The following MTFMT variants were observed in gnomAD, a reference collection of about 807,000 sequenced individuals.
The protein encoded by MTFMT is mitochondrial methionyl-tRNA formyltransferase, also known as methionyl-tRNA formyltransferase, mitochondrial.
In MTFMT, 47 loss-of-function variants were observed where a neutral mutation model predicts 51.8. The observed-to-expected ratio is 0.91, with a 90% CI of 0.72 to 1.16. MTFMT has a LOEUF of 1.16. Ranked by LOEUF, MTFMT falls within the 50% of genes most tolerant of loss-of-function variation. MTFMT has a pLI of 0.00. For missense variants in MTFMT, 512 were observed against 482.3 expected, an observed-to-expected ratio of 1.06 and a Z score of -0.58; for synonymous variants, 196 against 176.7, an observed-to-expected ratio of 1.11 and a Z score of -0.87.
chr15:65,020,198 GTA>G lies in MTFMT; in HGVS notation c.718_719del (p.Tyr240ArgfsTer3). 1 of 1,611,602 alleles carries G rather than the reference GTA, an allele frequency of 6.2e-7. No individual in the cohort carries two copies. Among genetic ancestry groups the G allele is most frequent in the South Asian group, 1.1e-5 (1 of 90,746 alleles). The stretch of plus-strand genomic sequence containing the variant: ...AGAGTCTCTGCAGCCTTCACTCACC[GTA>G]AGTCGCCCCCTCCATTGGCTGCTGC... ...GRQQPMEGAT[Y>X]APKISAGTSC... On this transcript the variant is annotated frameshift_variant and splice_region_variant, in exon 5 of 9. Coordinates refer to ENST00000220058, the MANE Select transcript of MTFMT (RefSeq NM_139242.4). LOFTEE classifies it high-confidence loss of function.
chr15:65,028,836 C>A (rs1595894389), intron 1 of MTFMT, among the ~76,000 whole-genome samples: 1 of 152,172 alleles, frequency 6.6e-6, no homozygotes, highest in South Asian at 2.1e-4. Flanking sequence ...TAAATGTATA[C>A]CTAACAGTTC....
intron 6 of MTFMT, among the ~76,000 whole-genome samples, chr15:65,013,928 G>A (rs2086292352): frequency 6.6e-6 from 1 of 150,544 alleles, no homozygotes; most frequent in Non-Finnish European, 1.5e-5. Flanking sequence ...AGGCGACAGG[G>A]CGAGACACCA....
At chr15:65,028,947 G>A (rs1273338286) in intron 1 of MTFMT, among the ~76,000 whole-genome samples, 2 of 152,178 alleles carry the variant, frequency 1.3e-5, no homozygotes, top group Admixed American at 6.5e-5. Flanking sequence ...CGGGTGTGCC[G>A]AAGGATGGGG....
At position 65,003,035 on chromosome 15, in the gene MTFMT, A is replaced by G; in HGVS notation, c.*27T>C. On this transcript the variant is annotated 3_prime_UTR_variant, in exon 9 of 9. Transcript: ENST00000220058. ...GTTTTTAATAAATTACAAATATGTA[A>G]TAGGTTTTTATCCATCTTCTTCCTA... 7.3e-7 allele frequency: 1 copy of G among 1,361,700 alleles called. No homozygotes were observed. The highest frequency in any genetic ancestry group is 9.8e-7 in the Non-Finnish European group (1 of 1,018,590). The allele number at this position is 1,361,700 out of a possible 1,614,324, so 84.4% of individuals were successfully genotyped here.
Position 65,029,388 on chromosome 15 carries a change from A to T in MTFMT, c.209+17T>A. On this transcript the variant is annotated intron_variant, in intron 1 of 8. Coordinates refer to ENST00000220058, the MANE Select transcript of MTFMT (RefSeq NM_139242.4). ...AGGCCTTCAGCGGCCGGGTCCCCGG[A>T]TCCCTGGCCCGGGTACCTGGCGGCG... The T allele has an allele frequency of 1.4e-6, 2 of 1,460,530 alleles. No individual in the cohort carries two copies. Among genetic ancestry groups the T allele is most frequent in the Non-Finnish European group, 1.8e-6 (2 of 1,106,006 alleles). The allele number at this position is 1,460,530 out of a possible 1,614,324, so 90.5% of individuals were successfully genotyped here.
intron 3 of MTFMT, 118 bp downstream of exon 3, chr15:65,023,554 A>C (rs768073964): frequency 1.5e-4 from 136 of 885,552 alleles, no homozygotes; most frequent in African/African-American, 6.0e-4. Context: ...AAAGCAGAAG[A>C]AGCACTCTGG....
intron 6 of MTFMT, among the ~76,000 whole-genome samples, chr15:65,014,546 G>A (rs139915280): frequency 0.024 from 3,690 of 150,712 alleles, 161 homozygotes; most frequent in African/African-American, 0.087. Context: ...GGCTGGTCTC[G>A]AACTCCTGAC....
intron 2 of MTFMT, chr15:65,026,299 A>G (rs944738456): frequency 3.1e-5 from 6 of 192,580 alleles, no homozygotes; most frequent in African/African-American, 7.0e-5. Flanking sequence ...CTGCTGGCTT[A>G]CCAATGGCAG....
intron 3 of MTFMT, among the ~76,000 whole-genome samples, chr15:65,022,835 T>C (rs912927858): frequency 6.6e-6 from 1 of 151,832 alleles, no homozygotes; most frequent in African/African-American, 2.4e-5. Flanking sequence ...GCCTCCTGAG[T>C]AGCTGGGACT....
chr15:65,029,163 G>T, intron 1 of MTFMT: 1 of 647,916 alleles, frequency 1.5e-6, no homozygotes, highest in Non-Finnish European at 1.9e-6. Flanking sequence ...GTGGCAGGGC[G>T]CCTGGAGAAC....
At chr15:65,011,052 T>C (rs1262718210) in intron 6 of MTFMT, among the ~76,000 whole-genome samples, 1 of 152,200 alleles carries the variant, frequency 6.6e-6, no homozygotes, top group Admixed American at 6.5e-5. Context: ...GCCAGGGCAG[T>C]GGCTCATGCC....
Position 65,029,518 on chromosome 15 carries a change from G to T in MTFMT, c.96C>A (p.Leu32=), listed in dbSNP as rs543428788. 188 of 1,530,018 alleles carry T rather than the reference G, an allele frequency of 1.2e-4. No homozygotes were observed. In the African/African-American group the frequency reaches 2.2e-3, roughly 18 times the overall value. The allele number at this position is 1,530,018 out of a possible 1,614,324, so 94.8% of individuals were successfully genotyped here. A position where few individuals can be genotyped will look rare whatever the true frequency, so the allele number is the denominator to read the frequency against. ...TGGAGTCCCGGCAGTCCTCCCAGCC[G>T]AGTCGGGCCAGTGCTCGCCACTGGG... ...PSPQWRALAR[L]GWEDCRDSRV... Residue 32 remains leucine (L), a synonymous_variant, in exon 1 of 9, where the codon CTC becomes CTA. Transcript: ENST00000220058.
chr15:65,029,572 A>C lies in MTFMT; in HGVS notation c.42T>G (p.Ala14=), dbSNP rs1052328753. Residue 14 remains alanine (A), a synonymous_variant, in exon 1 of 9, where the codon GCT becomes GCG. Transcript: ENST00000220058. The stretch of plus-strand genomic sequence containing the variant: ...TCGGCCTCCCACGCCTGGCGCCATG[A>C]GCCAGCGGAGGACCCCAACAGCGCC... ...LVRRCWGPPL[A]HGARRGRPSP... The C allele has an allele frequency of 1.3e-6, 2 of 1,498,666 alleles. No individual in the cohort carries two copies. The highest frequency in any genetic ancestry group is 2.5e-5 in the South Asian group (2 of 80,036). The allele number at this position is 1,498,666 out of a possible 1,614,324, so 92.8% of individuals were successfully genotyped here.
chr15:65,018,898 A>C (rs2086346835), intron 5 of MTFMT, among the ~76,000 whole-genome samples: 1 of 152,252 alleles, frequency 6.6e-6, no homozygotes, highest in Admixed American at 6.5e-5. Context: ...AGAAAGAATT[A>C]AGCCCCTGTC....
At chr15:65,011,941 G>T (rs1270035639) in intron 6 of MTFMT, among the ~76,000 whole-genome samples, 2 of 151,990 alleles carry the variant, frequency 1.3e-5, no homozygotes, top group Non-Finnish European at 2.9e-5. Context: ...TCAATGTCAT[G>T]AATATTTACA....
chr15:65,021,381 A>T (rs1484279327), intron 4 of MTFMT, 133 bp downstream of exon 4: 4 of 652,006 alleles, frequency 6.1e-6, no homozygotes, highest in Non-Finnish European at 1.1e-5. Flanking sequence ...GCTAATTTTT[A>T]GGAAGCCAAA....
Position 65,029,603 on chromosome 15 carries a change from A to T in MTFMT, c.11T>A (p.Leu4Ter). The change falls in exon 1 of 9, where the codon TTG becomes TAG. Residue 4 changes from leucine (L) to a stop codon, truncating the protein, a stop_gained. Coordinates refer to ENST00000220058, the MANE Select transcript of MTFMT (RefSeq NM_139242.4). LOFTEE classifies it high-confidence loss of function. Reference sequence around the variant, plus strand: ...CGGAGGACCCCAACAGCGCCGCACCAACACCCTCATCGCCTCGGCCGCCGG... The same window carrying T: ...CGGAGGACCCCAACAGCGCCGCACCTACACCCTCATCGCCTCGGCCGCCGG... MRV[L>*]VRRCWGPPLA... is the part of the protein sequence containing the mutation. 7.0e-7 allele frequency: 1 copy of T among 1,426,160 alleles called. No homozygotes were observed. Among genetic ancestry groups the T allele is most frequent in the Non-Finnish European group, 9.2e-7 (1 of 1,085,504 alleles). The allele number at this position is 1,426,160 out of a possible 1,614,324, so 88.3% of individuals were successfully genotyped here. A position where few individuals can be genotyped will look rare whatever the true frequency, so the allele number is the denominator to read the frequency against.
At position 65,023,842 on chromosome 15, in the gene MTFMT, T is replaced by C. The variant is rs757169410; in HGVS notation, c.420-48A>G. 21 of 1,521,146 alleles carry C rather than the reference T, an allele frequency of 1.4e-5. No homozygotes were observed. In the South Asian group the frequency reaches 2.6e-4, roughly 19 times the overall value. 94.2% of individuals were successfully genotyped at this position (1,521,146 alleles called of 1,614,324 possible). A position where few individuals can be genotyped will look rare whatever the true frequency, so the allele number is the denominator to read the frequency against. On this transcript the variant is annotated intron_variant, in intron 2 of 8. Transcript: ENST00000220058. ...TAGTATGTCAGTGGGCTTTACCACT[T>C]CGTTACCACTACCTAAGCTATTATG... is the stretch of plus-strand genomic sequence containing the variant.
rs370420619 is a variant in MTFMT at position 65,021,549 on chromosome 15, A to G, written c.610T>C (p.Leu204=). Residue 204 remains leucine, a synonymous_variant, in exon 4 of 9, where the codon TTG becomes CTG. Transcript: ENST00000220058. ...PVPPKSTAKE[L]EAVLSRLGAN... ...CCCAGTCTTGACAACACTGCTTCCA[A>G]TTCCTTTGCAGTGCTCTTGGGTGGC... is the stretch of plus-strand genomic sequence containing the variant. 16 of 1,610,044 alleles carry G rather than the reference A, an allele frequency of 9.9e-6. No homozygotes were observed. Among genetic ancestry groups the G allele is most frequent in the Admixed American group, 5.0e-5 (3 of 59,988 alleles).
Sources: allele counts gnomAD v4.1 joint callset (sites outside exome capture counted in the v4.1 genomes callset), GRCh38; gene constraint gnomAD v4.1.1; transcripts MANE v1.5; gene names NCBI Gene and HGNC (gene_info 2026-07-23, HGNC 2026-07-21).